HTRA3: variants seen among roughly 807,000 people sequenced by gnomAD.
HTRA3 encodes the protein HtrA serine peptidase 3.
A neutral mutation model predicts 43.2 loss-of-function variants in HTRA3; 41 were observed. That is an observed-to-expected ratio of 0.95 (90% CI 0.74 to 1.23). The LOEUF (loss-of-function observed/expected upper bound fraction) is 1.23. Ranked by LOEUF, HTRA3 falls within the 50% of genes most tolerant of loss-of-function variation. HTRA3 has a pLI of 0.00. For missense variants in HTRA3, 628 were observed against 647.1 expected (o/e 0.97, Z 0.32); for synonymous variants, 295 against 287.9 (o/e 1.02, Z -0.25).
chr4:8,284,400 G>A (rs945728974), intron 2 of HTRA3, among the ~76,000 whole-genome samples: 2 of 152,184 alleles, frequency 1.3e-5, no homozygotes, highest in African/African-American at 4.8e-5. Context: ...AGCCCGGCTG[G>A]GAGGCCGTTT....
chr4:8,282,336 TC>T, intron 1 of HTRA3, 100 bp from the exon 2 acceptor site: 1 of 891,788 alleles, frequency 1.1e-6, no homozygotes, highest in East Asian at 2.7e-5. Flanking sequence ...GGGACAGGGG[TC>T]TCAGGAAGAG....
intron 6 of HTRA3, among the ~76,000 whole-genome samples, chr4:8,299,983 G>T (rs1259695323): frequency 2.6e-5 from 4 of 152,004 alleles, no homozygotes; most frequent in Non-Finnish European, 4.4e-5. Context: ...GGGATTATAG[G>T]TGCCCACGAT....
At chr4:8,289,447 G>T (rs1386868177) in intron 3 of HTRA3, among the ~76,000 whole-genome samples, 1 of 152,204 alleles carries the variant, frequency 6.6e-6, no homozygotes, top group Non-Finnish European at 1.5e-5. Context: ...TGCAACCCCC[G>T]CTCGAGGACC....
chr4:8,288,591 G>A (rs1312979856), intron 3 of HTRA3, among the ~76,000 whole-genome samples: 1 of 92,214 alleles, frequency 1.1e-5, no homozygotes, highest in Non-Finnish European at 2.2e-5. Flanking sequence ...TTTTTTTTTT[G>A]AGACGGGTTC....
At chr4:8,294,329 G>T in intron 6 of HTRA3, 128 bp downstream of exon 6, 3 of 616,000 alleles carry the variant, frequency 4.9e-6, no homozygotes, top group Non-Finnish European at 8.4e-6. Flanking sequence ...CTACTGGACA[G>T]GTCCTGTCTG....
chr4:8,270,286 C>T lies in HTRA3; in HGVS notation c.318C>T (p.Ala106=). The T allele has an allele frequency of 6.7e-7, 1 of 1,483,666 alleles. No homozygotes were observed. The highest frequency in any genetic ancestry group is 8.9e-7 in the Non-Finnish European group (1 of 1,123,430). The allele number at this position is 1,483,666 out of a possible 1,614,324, so 91.9% of individuals were successfully genotyped here. A position where few individuals can be genotyped will look rare whatever the true frequency, so the allele number is the denominator to read the frequency against. The change falls in exon 1 of 9, where the codon GCC becomes GCT. Residue 106 remains alanine (A), a synonymous_variant. Transcript: ENST00000307358. The part of the protein sequence containing the change: ...TYANVCALQA[A]SRRALQLSGT... ...CCAACGTGTGCGCGCTGCAGGCGGCCAGCCGCCGCGCGCTGCAGCTCTCCG... is the reference window on the plus strand; with the variant it reads ...CCAACGTGTGCGCGCTGCAGGCGGCTAGCCGCCGCGCGCTGCAGCTCTCCG...
At chr4:8,292,783 G>A (rs1207031184) in intron 5 of HTRA3, among the ~76,000 whole-genome samples, 1 of 152,198 alleles carries the variant, frequency 6.6e-6, no homozygotes, top group Admixed American at 6.5e-5. Context: ...AATAAACCAG[G>A]AAGCTCAGTT....
At chr4:8,276,601 G>A (rs1253835886) in intron 1 of HTRA3, among the ~76,000 whole-genome samples, 1 of 152,282 alleles carries the variant, frequency 6.6e-6, no homozygotes, top group South Asian at 2.1e-4. Context: ...GGAAGTGCCT[G>A]ACCCATGGCA....
intron 3 of HTRA3, among the ~76,000 whole-genome samples, chr4:8,287,313 C>A (rs935343959): frequency 6.6e-6 from 1 of 152,194 alleles, no homozygotes; most frequent in Non-Finnish European, 1.5e-5. Flanking sequence ...CTCAGCCAGG[C>A]GCTGACTGCA....
Position 8,302,507 on chromosome 4 carries a change from C to G in HTRA3, c.1096C>G (p.Pro366Ala). The G allele has an allele frequency of 1.2e-6, 2 of 1,613,984 alleles. No individual in the cohort carries two copies. The highest frequency in any genetic ancestry group is 1.7e-6 in the Non-Finnish European group (2 of 1,179,912). The change falls in exon 7 of 9, where the codon CCA becomes GCA. Residue 366 changes from proline to alanine, a missense_variant. Coordinates refer to ENST00000307358, the MANE Select transcript of HTRA3 (RefSeq NM_053044.5). Reference sequence around the variant, plus strand: ...CGGCATACGGATGCGGACGATCACACCAAGGTGAGTGTCTGAAGAGTGCCA... The same window carrying G: ...CGGCATACGGATGCGGACGATCACAGCAAGGTGAGTGTCTGAAGAGTGCCA... ...FIGIRMRTIT[P>A]SLVDELKASN...
intron 1 of HTRA3, among the ~76,000 whole-genome samples, chr4:8,281,717 T>C (rs962477068): frequency 6.6e-6 from 1 of 152,188 alleles, no homozygotes; most frequent in Non-Finnish European, 1.5e-5. Context: ...ACTGCATGCC[T>C]CAGGCCTGTG....
rs1336725124 is a variant in HTRA3, at chr4:8,275,264, C to T, written c.385+4911C>T. 4.6e-5 allele frequency among the ~76,000 whole-genome samples: 7 copies of T among 152,194 alleles called. No homozygotes were observed. The East Asian group carries it at 7.7e-4, about 17-fold the overall frequency. ...CATCTGCCATCCTGTGGTCTTCCCC[C>T]GACAGGCCTCTGCCCTCCCATGCAG... On this transcript the variant is annotated intron_variant, in intron 1 of 8. Transcript: ENST00000307358.
rs1578793502 is a variant in HTRA3, at chr4:8,282,466, A to G, written c.415A>G (p.Lys139Glu). The G allele has an allele frequency of 1.9e-6, 3 of 1,613,992 alleles. No individual in the cohort carries two copies. The highest frequency in any genetic ancestry group is 2.5e-6 in the Non-Finnish European group (3 of 1,179,982). Residue 139 changes from lysine (K) to glutamate (E), a missense_variant, in exon 2 of 9, where the codon AAG (lysine) becomes GAG (glutamate). Lys to Glu is a moderately conservative substitution (Grantham distance 56). Transcript: ENST00000307358. The stretch of plus-strand genomic sequence containing the variant: ...CCACCAGCTGAGCAGCCCGCGCTAC[A>G]AGTTCAACTTCATTGCTGACGTGGT... ...GLHQLSSPRY[K>E]FNFIADVVEK...
rs1433790795 is a variant in HTRA3, at chr4:8,306,172, G to A, written c.*36G>A. ...CCTCCAGCGCCAAGCGTCAGAGCCT[G>A]CAGACAACGGAGGGCAGCGCCCCCC... On this transcript the variant is annotated 3_prime_UTR_variant, in exon 9 of 9. Coordinates refer to ENST00000307358, the MANE Select transcript of HTRA3 (RefSeq NM_053044.5). This position sits in a 1 kb window ranked among gnomAD's most constrained non-coding sequence, Gnocchi z 8.9. 4.6e-6 allele frequency: 7 copies of A among 1,534,928 alleles called. No individual in the cohort carries two copies. Among genetic ancestry groups the A allele is most frequent in the East Asian group, 2.3e-5 (1 of 43,494 alleles).
Position 8,277,284 on chromosome 4 carries a change from A to G in HTRA3, c.386-5153A>G, listed in dbSNP as rs780321195. On this transcript the variant is annotated intron_variant, in intron 1 of 8. Transcript: ENST00000307358. ...GCTGCCCTGGGAACTAGTTAGACCC[A>G]GGAGGCAGCCCCTTTAGTGGTGGGC... 4.6e-5 allele frequency among the ~76,000 whole-genome samples: 7 copies of G among 152,178 alleles called. No homozygotes were observed. In the South Asian group the frequency reaches 8.3e-4, roughly 18 times the overall value.
At chr4:8,304,426 G>C in intron 8 of HTRA3, 147 bp downstream of exon 8, 1 of 626,356 alleles carries the variant, frequency 1.6e-6, no homozygotes, top group Non-Finnish European at 2.8e-6. Flanking sequence ...TGCTAAGCCA[G>C]AGGAGGCTGG....
rs557871128 is a variant in HTRA3, at chr4:8,274,236, T to C, written c.385+3883T>C. ...CACCTCGAGGCCTTTGCACGCAATG[T>C]GCCCACTGCCCGGCGTTTCCTTCCC... On this transcript the variant is annotated intron_variant, in intron 1 of 8. Transcript: ENST00000307358. Among the ~76,000 whole-genome samples the C allele has an allele frequency of 5.9e-5, 9 of 152,360 alleles. No homozygotes were observed. In the East Asian group the frequency reaches 1.7e-3, roughly 29 times the overall value.
chr4:8,278,349 C>T (rs928753698), intron 1 of HTRA3, among the ~76,000 whole-genome samples: 38 of 150,740 alleles, frequency 2.5e-4, no homozygotes, highest in Non-Finnish European at 2.7e-4. Context: ...GAGGGTCTCC[C>T]TGACTGAAAC....
At position 8,302,670 on chromosome 4, in the gene HTRA3, C is replaced by T. The variant is rs73801724; in HGVS notation, c.1100+159C>T. ...ACCGTTGCTCAGGCCAGTCCTTTTGCGTGGACCTTTCCCTCTTTGCCTTAT... is the reference window on the plus strand; with the variant it reads ...ACCGTTGCTCAGGCCAGTCCTTTTGTGTGGACCTTTCCCTCTTTGCCTTAT... On this transcript the variant is annotated intron_variant, in intron 7 of 8. Transcript: ENST00000307358. Among the ~76,000 whole-genome samples the T allele has an allele frequency of 4.3e-3, 649 of 152,344 alleles. 3 individuals are homozygous for T. The highest frequency in any genetic ancestry group is 0.014 in the African/African-American group (597 of 41,574).
Sources: gnomAD v4.1 joint callset for allele counts (sites outside exome capture counted in the v4.1 genomes callset) on GRCh38, gnomAD v4.1.1 for gene constraint, Gnocchi (gnomAD v3.1) non-coding constraint, MANE v1.5 for transcripts, NCBI Gene and HGNC (gene_info 2026-07-23, HGNC 2026-07-21) for gene names.